Variants in PDE1C observed in about 807,000 individuals in gnomAD.
PDE1C encodes phosphodiesterase 1C.
Under a neutral mutation model 93.1 loss-of-function variants are expected in PDE1C, and 62 were observed. The observed-to-expected ratio is 0.67, with a 90% CI of 0.54 to 0.82. The LOEUF (loss-of-function observed/expected upper bound fraction) is 0.82. Ranked by LOEUF, PDE1C falls within the 40% of genes least tolerant of loss-of-function variation. The pLI, the probability that PDE1C is intolerant of heterozygous loss-of-function variation, is 0.00. For synonymous variants in PDE1C, 325 were observed against 310.1 expected (o/e 1.05, Z -0.50); for missense variants, 742 against 884.6 (o/e 0.84, Z 2.04).
chr7:31,662,456 C>T, the PDE1C span, among the ~76,000 whole-genome samples: 7 of 152,216 alleles, frequency 4.6e-5, no homozygotes, highest in East Asian at 1.4e-3. Flanking sequence ...TTTGTTCCCA[C>T]CTGAGTGGGC....
intron 9 of PDE1C, among the ~76,000 whole-genome samples, chr7:31,840,079 G>GGTT (rs1791663273): frequency 1.3e-5 from 2 of 152,158 alleles, no homozygotes; most frequent in African/African-American, 4.8e-5. Context: ...TTGTGAAAGT[G>GGTT]GTTGTATCAC....
chr7:31,833,454 A>C (rs1790681568), intron 11 of PDE1C, among the ~76,000 whole-genome samples: 1 of 152,204 alleles, frequency 6.6e-6, no homozygotes, highest in African/African-American at 2.4e-5. Context: ...GCTCAGAAGA[A>C]GATAAGAAAA....
the PDE1C span, among the ~76,000 whole-genome samples, chr7:31,647,400 G>A: frequency 9.2e-5 from 14 of 151,904 alleles, no homozygotes; most frequent in African/African-American, 2.7e-4. Flanking sequence ...GGTGGCTCAC[G>A]CCTGTAATCC....
intron 1 of PDE1C, among the ~76,000 whole-genome samples, chr7:32,309,510 T>C (rs1813112415): frequency 6.6e-6 from 1 of 152,152 alleles, no homozygotes; most frequent in Non-Finnish European, 1.5e-5. Context: ...AAAGGTCGGG[T>C]TACCCTCAAA....
At chr7:32,233,738 A>G (rs539842510) in intron 1 of PDE1C, among the ~76,000 whole-genome samples, 102 of 152,262 alleles carry the variant, frequency 6.7e-4, no homozygotes, top group Non-Finnish European at 1.2e-3. Context: ...TTAGCTGGAG[A>G]CTTCAACAGT....
chr7:32,387,589 G>C (rs1215006513), intron 1 of PDE1C, among the ~76,000 whole-genome samples: 355 of 130,864 alleles, frequency 2.7e-3, no homozygotes, highest in South Asian at 5.2e-3. Flanking sequence ...GGGCAGAGGC[G>C]CCCCTCACCT....
intron 1 of PDE1C, among the ~76,000 whole-genome samples, chr7:32,305,815 G>A (rs1365679744): frequency 1.3e-5 from 2 of 152,248 alleles, no homozygotes; most frequent in Admixed American, 6.5e-5. Context: ...CAAGGTGGAA[G>A]CAGCCCCATG....
At chr7:31,835,553 T>TGTGC (rs1554358127) in intron 11 of PDE1C, among the ~76,000 whole-genome samples, 5 of 150,910 alleles carry the variant, frequency 3.3e-5, no homozygotes, top group African/African-American at 1.2e-4. Context: ...TGTGTGTGTG[T>TGTGC]GTGCGTGCAT....
chr7:32,145,325 GACA>G (rs1346684518), intron 3 of PDE1C, among the ~76,000 whole-genome samples: 3 of 152,130 alleles, frequency 2.0e-5, no homozygotes, highest in Non-Finnish European at 4.4e-5. Context: ...TTAAATAAAG[GACA>G]ACAACAGAGT....
the PDE1C span, among the ~76,000 whole-genome samples, chr7:31,623,603 C>T: frequency 1.4e-5 from 2 of 147,604 alleles, no homozygotes; most frequent in African/African-American, 5.0e-5. Context: ...TGGGACGTAT[C>T]TCAAAATAAT....
At chr7:32,387,719 G>A (rs1467857724) in intron 1 of PDE1C, among the ~76,000 whole-genome samples, 17 of 130,560 alleles carry the variant, frequency 1.3e-4, no homozygotes, top group Middle Eastern at 5.7e-3. Flanking sequence ...GCGGCTGGCC[G>A]GGCAGAGGGG....
intron 1 of PDE1C, among the ~76,000 whole-genome samples, chr7:32,402,655 C>G (rs1348385040): frequency 6.6e-6 from 1 of 152,150 alleles, no homozygotes; most frequent in Non-Finnish European, 1.5e-5. Context: ...TTTTACCAGC[C>G]ATTTGGGCAT....
At chr7:32,339,685 G>C (rs964473685) in intron 1 of PDE1C, among the ~76,000 whole-genome samples, 1 of 152,112 alleles carries the variant, frequency 6.6e-6, no homozygotes, top group Non-Finnish European at 1.5e-5. Context: ...AAATGTCAGT[G>C]GAAGAGAGAC....
chr7:31,913,349 G>A (rs964676456), intron 2 of PDE1C, among the ~76,000 whole-genome samples: 1 of 152,160 alleles, frequency 6.6e-6, no homozygotes, highest in Admixed American at 6.5e-5. Flanking sequence ...ACCAAGATAC[G>A]AGTTAATGCT....
chr7:32,200,609 G>C (rs1281390360), intron 2 of PDE1C, among the ~76,000 whole-genome samples: 8 of 152,178 alleles, frequency 5.3e-5, no homozygotes, highest in African/African-American at 9.7e-5. Flanking sequence ...TCAAAAACTT[G>C]CACTTTGGGA....
chr7:31,733,805 G>A, the PDE1C span, among the ~76,000 whole-genome samples: 1 of 152,106 alleles, frequency 6.6e-6, no homozygotes, highest in Non-Finnish European at 1.5e-5. Context: ...ACACCAGCCT[G>A]GCCAACAGGG....
intron 17 of PDE1C, among the ~76,000 whole-genome samples, chr7:31,760,739 CA>C (rs567648946): frequency 1.1e-3 from 164 of 147,104 alleles, no homozygotes; most frequent in African/African-American, 3.9e-3. Flanking sequence ...CTCCTATAGA[CA>C]CTTTCTATCT....
At chr7:31,953,311 C>A (rs1014886249) in intron 2 of PDE1C, among the ~76,000 whole-genome samples, 1 of 152,114 alleles carries the variant, frequency 6.6e-6, no homozygotes, top group Non-Finnish European at 1.5e-5. Context: ...CCATTTATAT[C>A]CTACTCATGC....
At chr7:31,707,124 T>C in the PDE1C span, 1 of 1,348,288 alleles carries the variant, frequency 7.4e-7, no homozygotes, top group Non-Finnish European at 1.0e-6. Flanking sequence ...GCCATGCTCC[T>C]TTGTACTGTG....
Sources: allele counts gnomAD v4.1 joint callset (sites outside exome capture counted in the v4.1 genomes callset), GRCh38; gene constraint gnomAD v4.1.1; transcripts MANE v1.5; gene names NCBI Gene and HGNC (gene_info 2026-07-23, HGNC 2026-07-21).